TOX3: variants seen among roughly 807,000 people sequenced by gnomAD.
The protein encoded by TOX3 is TOX high mobility group box family member 3.
Under a neutral mutation model 64.3 loss-of-function variants are expected in TOX3, and 22 were observed. That is an observed-to-expected ratio of 0.34 (90% CI 0.24 to 0.49). TOX3 has a LOEUF of 0.49. TOX3 is among the 20% of genes least tolerant of loss of function. The pLI is 0.99. For missense variants in TOX3, 661 were observed against 714.4 expected (o/e 0.93, Z 0.85); for synonymous variants, 291 against 273.6 (o/e 1.06, Z -0.63).
chr16:52,527,054 G>C (rs898486320), intron 1 of TOX3, among the ~76,000 whole-genome samples: 3 of 151,942 alleles, frequency 2.0e-5, no homozygotes. Flanking sequence ...AGACAAAACT[G>C]CTTCTTAAAT....
At chr16:52,539,431 A>T (rs1963028806) in intron 1 of TOX3, among the ~76,000 whole-genome samples, 1 of 152,254 alleles carries the variant, frequency 6.6e-6, no homozygotes, top group Non-Finnish European at 1.5e-5. Flanking sequence ...ACACACACAT[A>T]AGCACACATT....
At chr16:52,468,340 C>T (rs1596798477) in intron 2 of TOX3, among the ~76,000 whole-genome samples, 169 bp downstream of exon 2, 1 of 152,208 alleles carries the variant, frequency 6.6e-6, no homozygotes, top group South Asian at 2.1e-4. Context: ...TGATAAAAGA[C>T]TTATCAGGTT....
At position 52,532,994 on chromosome 16, in the gene TOX3, C is replaced by T. The variant is rs45623034; in HGVS notation, c.87+13643G>A. On this transcript the variant is annotated intron_variant, in intron 1 of 6. Transcript: ENST00000219746. Reference sequence around the variant, plus strand: ...AAGTTTGATCTGTCAAGGCAGAGCTCGCTGGAGAAGAGTGAGAAGACAGTG... The same window carrying T: ...AAGTTTGATCTGTCAAGGCAGAGCTTGCTGGAGAAGAGTGAGAAGACAGTG... Among the ~76,000 whole-genome samples, 788 of 152,136 alleles carry T rather than the reference C, an allele frequency of 5.2e-3. 3 individuals carry two copies. Among genetic ancestry groups the T allele is most frequent in the Non-Finnish European group, 8.0e-3 (547 of 68,006 alleles).
intron 1 of TOX3, among the ~76,000 whole-genome samples, chr16:52,527,081 C>A (rs148668859): frequency 1.8e-4 from 28 of 152,026 alleles, no homozygotes; most frequent in African/African-American, 6.0e-4. Flanking sequence ...GCACTCCATG[C>A]CAGACACAGT....
At chr16:52,511,768 G>C (rs1962318301) in intron 1 of TOX3, among the ~76,000 whole-genome samples, 1 of 152,194 alleles carries the variant, frequency 6.6e-6, no homozygotes, top group Non-Finnish European at 1.5e-5. Flanking sequence ...AGTTTGAAGA[G>C]TGAGTCAGAA....
At chr16:52,478,498 C>A (rs1477432159) in intron 1 of TOX3, among the ~76,000 whole-genome samples, 3 of 152,204 alleles carry the variant, frequency 2.0e-5, no homozygotes, top group Admixed American at 6.5e-5. Flanking sequence ...ATCAGAGATA[C>A]AAAGTCACTC....
chr16:52,439,274 A>C lies in TOX3; in HGVS notation c.1682T>G (p.Ile561Arg). 3 of 1,613,798 alleles carry C rather than the reference A, an allele frequency of 1.9e-6. No homozygotes were observed. In the South Asian group the frequency reaches 3.3e-5, roughly 18 times the overall value. The change falls in exon 7 of 7, where the codon ATA becomes AGA. Residue 561 changes from isoleucine to arginine, a missense_variant. Ile to Arg is a moderately conservative substitution (Grantham distance 97). This residue lies in a region of TOX3 where 299 missense variants were observed against 292.1 expected (regional missense o/e 1.02). Transcript: ENST00000219746. ...TACTTGAGTCTGTGTCTGAGACTGT[A>C]TTTGCGACTGGTGCTGCTGAGAGGC... ...QPASQQHQSQ[I>R]QSQTQTQVLS...
chr16:52,481,795 G>A (rs180793281), intron 1 of TOX3, among the ~76,000 whole-genome samples: 11 of 152,256 alleles, frequency 7.2e-5, no homozygotes, highest in Non-Finnish European at 1.0e-4. Context: ...TATGATTGCC[G>A]GAATTCTGTA....
intron 6 of TOX3, among the ~76,000 whole-genome samples, chr16:52,440,855 G>C (rs950269580): frequency 6.9e-6 from 1 of 144,292 alleles, no homozygotes; most frequent in Non-Finnish European, 1.5e-5. Flanking sequence ...CTGCCTCCTG[G>C]GTTTGTGCCA....
chr16:52,510,319 T>C (rs1013061282), intron 1 of TOX3, among the ~76,000 whole-genome samples: 56 of 152,278 alleles, frequency 3.7e-4, no homozygotes, highest in Non-Finnish European at 7.3e-5. Flanking sequence ...CAAAGTAATA[T>C]TTGGGACCAG....
At chr16:52,543,472 G>A (rs1165874687) in intron 1 of TOX3, among the ~76,000 whole-genome samples, 2 of 152,092 alleles carry the variant, frequency 1.3e-5, no homozygotes, top group African/African-American at 4.8e-5. Flanking sequence ...CTGGTGAAAA[G>A]ACAAATTGAA....
At chr16:52,503,625 C>T (rs1008591807) in intron 1 of TOX3, among the ~76,000 whole-genome samples, 7 of 152,140 alleles carry the variant, frequency 4.6e-5, no homozygotes, top group Admixed American at 3.9e-4. Flanking sequence ...AAAGGAAAGG[C>T]AATCAGAACC....
intron 1 of TOX3, among the ~76,000 whole-genome samples, chr16:52,492,185 T>A (rs912576855): frequency 6.0e-5 from 9 of 148,772 alleles, no homozygotes; most frequent in Non-Finnish European, 1.3e-4. Flanking sequence ...AGTGCTGTGT[T>A]ATTGGTCATT....
At chr16:52,494,872 A>G (rs1309118312) in intron 1 of TOX3, among the ~76,000 whole-genome samples, 1 of 152,212 alleles carries the variant, frequency 6.6e-6, no homozygotes. Context: ...TACCTGTGGC[A>G]TAGGCCAGTA....
chr16:52,515,715 G>A (rs1309263656), intron 1 of TOX3, among the ~76,000 whole-genome samples: 1 of 152,204 alleles, frequency 6.6e-6, no homozygotes, highest in Non-Finnish European at 1.5e-5. Context: ...TAAATTAGAA[G>A]CAGGTAAAAC....
At chr16:52,460,759 T>A (rs1960664172) in intron 3 of TOX3, among the ~76,000 whole-genome samples, 1 of 152,130 alleles carries the variant, frequency 6.6e-6, no homozygotes, top group African/African-American at 2.4e-5. Context: ...AAGGCTATAA[T>A]AGCATAGAGA....
intron 6 of TOX3, among the ~76,000 whole-genome samples, chr16:52,443,210 G>A (rs903867337): frequency 2.6e-4 from 39 of 152,172 alleles, no homozygotes; most frequent in Non-Finnish European, 1.5e-4. Context: ...ACAGTCAGCT[G>A]TTTTCTGCCA....
chr16:52,489,306 C>T (rs1961611705), intron 1 of TOX3, among the ~76,000 whole-genome samples: 1 of 152,116 alleles, frequency 6.6e-6, no homozygotes, highest in African/African-American at 2.4e-5. Flanking sequence ...CCCCTAAACC[C>T]ACTAACTATG....
chr16:52,479,057 T>C (rs1428634535), intron 1 of TOX3, among the ~76,000 whole-genome samples: 1 of 152,192 alleles, frequency 6.6e-6, no homozygotes, highest in African/African-American at 2.4e-5. Flanking sequence ...ACAGCTCTAA[T>C]AGAAAAGACA....
Sources: allele counts gnomAD v4.1 joint callset (sites outside exome capture counted in the v4.1 genomes callset), GRCh38; gene constraint gnomAD v4.1.1; regional missense constraint gnomAD v4.1.1; transcripts MANE v1.5; gene names NCBI Gene and HGNC (gene_info 2026-07-23, HGNC 2026-07-21).